Variants in SP4 observed in about 807,000 individuals in gnomAD.
SP4 encodes transcription factor Sp4.
A neutral mutation model predicts 72.8 loss-of-function variants in SP4; 19 were observed. The observed-to-expected ratio is 0.26, with a 90% CI of 0.18 to 0.38. SP4 has a LOEUF of 0.38. SP4 is among the 10% of genes least tolerant of loss of function. The probability of loss-of-function intolerance (pLI) is 1.00; values close to 1 mark genes in which losing one functional copy is unlikely to be tolerated. For synonymous variants in SP4, 395 were observed against 333.1 expected (o/e 1.19, Z -2.02); for missense variants, 1,008 against 926.3 (o/e 1.09, Z -1.14).
chr7:21,453,761 CTG>C (rs1401521764), intron 3 of SP4, among the ~76,000 whole-genome samples: 1 of 152,170 alleles, frequency 6.6e-6, no homozygotes, highest in Non-Finnish European at 1.5e-5. Flanking sequence ...TCTAAGAAAA[CTG>C]TGTTATGCTT....
chr7:21,438,531 C>T (rs1368516605), intron 3 of SP4, among the ~76,000 whole-genome samples: 1 of 151,624 alleles, frequency 6.6e-6, no homozygotes, highest in African/African-American at 2.4e-5. Context: ...ATGTCGTTTC[C>T]TCTTTTATTT....
At chr7:21,441,951 T>C (rs140442638) in intron 3 of SP4, among the ~76,000 whole-genome samples, 23 of 152,250 alleles carry the variant, frequency 1.5e-4, no homozygotes, top group African/African-American at 5.5e-4. Context: ...ACTTCTCTGC[T>C]TCTAGGACAT....
In SP4 at chr7:21,428,188, G is replaced by GCCCCCGCCCCCCCCCC; in HGVS notation, c.-59_-58insGCCCCCCCCCCCCCCC. 2.7e-6 allele frequency: 1 copy of GCCCCCGCCCCCCCCCC among 371,886 alleles called. No homozygotes were observed. Among genetic ancestry groups the GCCCCCGCCCCCCCCCC allele is most frequent in the Non-Finnish European group, 5.0e-6 (1 of 198,076 alleles). The allele number at this position is 371,886 out of a possible 1,614,324, so 23.0% of individuals were successfully genotyped here. On this transcript the variant is annotated 5_prime_UTR_variant, in exon 1 of 6. Transcript: ENST00000222584. The stretch of plus-strand genomic sequence containing the variant: ...CGGGACCGGCCTCTCCTCCCGCCTC[G>GCCCCCGCCCCCCCCCC]CCCCCACCCCCACCCACCTCTATCC...
chr7:21,502,786 G>C (rs1781902910), intron 5 of SP4, among the ~76,000 whole-genome samples: 1 of 152,138 alleles, frequency 6.6e-6, no homozygotes, highest in African/African-American at 2.4e-5. Flanking sequence ...CAGACACTTG[G>C]GGGGTTGAGT....
Position 21,428,274 on chromosome 7 carries a change from C to G in SP4, c.7+16C>G, listed in dbSNP as rs997974007. The G allele has an allele frequency of 1.1e-5, 16 of 1,471,578 alleles. No individual in the cohort carries two copies. Among genetic ancestry groups the G allele is most frequent in the Non-Finnish European group, 1.4e-5 (15 of 1,074,074 alleles). The allele number at this position is 1,471,578 out of a possible 1,614,324, so 91.2% of individuals were successfully genotyped here. A position where few individuals can be genotyped will look rare whatever the true frequency, so the allele number is the denominator to read the frequency against. On this transcript the variant is annotated intron_variant, in intron 1 of 5. Transcript: ENST00000222584. Reference sequence around the variant, plus strand: ...GGGATGAGCGGTACGTATTCTCCACCCCCCTCAGTCTCCTTCGCCGCCTCC... The same window carrying G: ...GGGATGAGCGGTACGTATTCTCCACGCCCCTCAGTCTCCTTCGCCGCCTCC...
At chr7:21,432,349 A>G (rs1317711705) in intron 3 of SP4, among the ~76,000 whole-genome samples, 1 of 152,204 alleles carries the variant, frequency 6.6e-6, no homozygotes, top group Non-Finnish European at 1.5e-5. Context: ...TATTTCAGAA[A>G]AGTGTTTTTG....
intron 3 of SP4, among the ~76,000 whole-genome samples, chr7:21,431,924 C>T (rs898032799): frequency 2.0e-5 from 3 of 152,140 alleles, no homozygotes; most frequent in Non-Finnish European, 4.4e-5. Context: ...TGGTTAATAC[C>T]TGAAGTAGGC....
chr7:21,447,579 T>G (rs763895426), intron 3 of SP4, among the ~76,000 whole-genome samples: 2 of 152,246 alleles, frequency 1.3e-5, no homozygotes, highest in African/African-American at 2.4e-5. Context: ...TTGCTGGAGC[T>G]GTTGAATTTT....
At chr7:21,448,534 C>G (rs1016836506) in intron 3 of SP4, among the ~76,000 whole-genome samples, 2 of 152,058 alleles carry the variant, frequency 1.3e-5, no homozygotes, top group African/African-American at 4.8e-5. Context: ...GGGTTCAATT[C>G]CCTGTTCTTT....
At chr7:21,451,269 C>T (rs1674794465) in intron 3 of SP4, among the ~76,000 whole-genome samples, 1 of 152,166 alleles carries the variant, frequency 6.6e-6, no homozygotes, top group Non-Finnish European at 1.5e-5. Context: ...CTGCTGATTG[C>T]CAGCTTCAGG....
chr7:21,428,613 AG>A (rs1782711223), intron 1 of SP4, 63 bp from the exon 2 acceptor site: 12 of 1,439,864 alleles, frequency 8.3e-6, no homozygotes, highest in Non-Finnish European at 1.1e-5. Flanking sequence ...GAGAGGAAGA[AG>A]ACGAATAATA....
chr7:21,431,224 A>G (rs1320622940), intron 3 of SP4, among the ~76,000 whole-genome samples: 2 of 152,150 alleles, frequency 1.3e-5, no homozygotes, highest in Non-Finnish European at 2.9e-5. Context: ...TTTAAACTGA[A>G]TTGGTATATA....
intron 5 of SP4, among the ~76,000 whole-genome samples, chr7:21,487,279 T>A (rs1784841293): frequency 6.6e-6 from 1 of 152,118 alleles, no homozygotes; most frequent in Non-Finnish European, 1.5e-5. Context: ...ATGCTGTATC[T>A]GAGAATAGAT....
chr7:21,436,826 A>G (rs1350321646), intron 3 of SP4, among the ~76,000 whole-genome samples: 2 of 152,222 alleles, frequency 1.3e-5, no homozygotes, highest in Non-Finnish European at 2.9e-5. Flanking sequence ...TTACTAAGGT[A>G]ACTTAAAAAT....
intron 3 of SP4, among the ~76,000 whole-genome samples, chr7:21,433,774 C>G (rs1782949696): frequency 6.6e-6 from 1 of 152,084 alleles, no homozygotes; most frequent in Non-Finnish European, 1.5e-5. Flanking sequence ...AACCCTGTCT[C>G]TACTAAAAAT....
intron 3 of SP4, among the ~76,000 whole-genome samples, chr7:21,442,025 TG>T: frequency 7.8e-6 from 1 of 127,534 alleles, no homozygotes; most frequent in East Asian, 2.3e-4. Flanking sequence ...TGTGTGTGTG[TG>T]TGTGTGTGTG....
intron 5 of SP4, among the ~76,000 whole-genome samples, chr7:21,491,162 C>T (rs73685154): frequency 0.022 from 3,351 of 151,988 alleles, 126 homozygotes; most frequent in African/African-American, 0.075. Context: ...TAAAGATAAG[C>T]GTGACTGAAA....
chr7:21,496,196 T>C (rs142035451), intron 5 of SP4, among the ~76,000 whole-genome samples: 1 of 152,284 alleles, frequency 6.6e-6, no homozygotes, highest in African/African-American at 2.4e-5. Context: ...TGTGACTGAA[T>C]GCATTTGTCA....
chr7:21,482,272 A>G (rs775537277), intron 5 of SP4, 149 bp downstream of exon 5: 5 of 631,304 alleles, frequency 7.9e-6, no homozygotes, highest in Non-Finnish European at 1.4e-5. Flanking sequence ...TTTAAGATGA[A>G]CATTTTTAAC....
Sources: allele counts gnomAD v4.1 joint callset (sites outside exome capture counted in the v4.1 genomes callset), GRCh38; gene constraint gnomAD v4.1.1; transcripts MANE v1.5; gene names NCBI Gene and HGNC (gene_info 2026-07-23, HGNC 2026-07-21).